Variants in PDGFC observed in about 807,000 individuals in gnomAD.
The protein encoded by PDGFC is platelet-derived growth factor C.
A neutral mutation model predicts 35.5 loss-of-function variants in PDGFC; 12 were observed. The observed-to-expected ratio is 0.34, with a 90% CI of 0.22 to 0.55. The LOEUF is 0.55. Ranked by LOEUF, PDGFC falls within the 20% of genes least tolerant of loss-of-function variation. PDGFC has a pLI of 0.91. For missense variants in PDGFC, 322 were observed against 412.4 expected, an observed-to-expected ratio of 0.78 and a Z score of 1.90; for synonymous variants, 159 against 148.8, an observed-to-expected ratio of 1.07 and a Z score of -0.50.
chr4:156,845,110 T>G (rs2111066873), intron 2 of PDGFC, among the ~76,000 whole-genome samples: 1 of 151,982 alleles, frequency 6.6e-6, no homozygotes, highest in African/African-American at 2.4e-5. Context: ...AACTCATATA[T>G]ATATGAAAAT....
intron 1 of PDGFC, among the ~76,000 whole-genome samples, chr4:156,932,917 T>C (rs1560879504): frequency 6.6e-6 from 1 of 151,616 alleles, no homozygotes; most frequent in Non-Finnish European, 1.5e-5. Flanking sequence ...AAGAAGTTTC[T>C]AACACACACA....
At chr4:156,919,332 C>CGA (rs1288428378) in intron 1 of PDGFC, among the ~76,000 whole-genome samples, 4 of 152,142 alleles carry the variant, frequency 2.6e-5, no homozygotes, top group African/African-American at 7.2e-5. Context: ...AATTCATAAT[C>CGA]TTAATCTGAG....
chr4:156,902,169 G>A (rs1730804666), intron 1 of PDGFC, among the ~76,000 whole-genome samples: 1 of 152,168 alleles, frequency 6.6e-6, no homozygotes, highest in African/African-American at 2.4e-5. Flanking sequence ...ACTACTTATT[G>A]AGCTTATTTT....
intron 1 of PDGFC, among the ~76,000 whole-genome samples, chr4:156,916,812 C>G (rs1443999734): frequency 6.6e-6 from 1 of 152,174 alleles, no homozygotes; most frequent in Non-Finnish European, 1.5e-5. Context: ...GGTTTTCTAA[C>G]TGCTACTGGC....
chr4:156,935,261 G>T (rs1731650702), intron 1 of PDGFC, among the ~76,000 whole-genome samples: 1 of 152,132 alleles, frequency 6.6e-6, no homozygotes, highest in Non-Finnish European at 1.5e-5. Flanking sequence ...CTCCCTAAGT[G>T]CTGCCATTAC....
chr4:156,921,278 G>C (rs1414645879), intron 1 of PDGFC, among the ~76,000 whole-genome samples: 2 of 152,102 alleles, frequency 1.3e-5, no homozygotes, highest in East Asian at 3.9e-4. Flanking sequence ...GGGAGATAAG[G>C]GGTGGTGATC....
chr4:156,776,579 T>A (rs6837319), intron 3 of PDGFC, among the ~76,000 whole-genome samples: 2 of 152,098 alleles, frequency 1.3e-5, no homozygotes, highest in African/African-American at 4.8e-5. Flanking sequence ...GGCCTATTAC[T>A]TTGTAAGGAC....
At chr4:156,960,481 A>C (rs1732317540) in intron 1 of PDGFC, among the ~76,000 whole-genome samples, 1 of 151,084 alleles carries the variant, frequency 6.6e-6, no homozygotes, top group African/African-American at 2.4e-5. Context: ...GTGTATATCT[A>C]TATATGTGTG....
intron 3 of PDGFC, among the ~76,000 whole-genome samples, chr4:156,803,196 A>G (rs1455468536): frequency 6.6e-6 from 1 of 152,128 alleles, no homozygotes; most frequent in Non-Finnish European, 1.5e-5. Context: ...AATGTGTCTG[A>G]GTGTACTGAG....
intron 3 of PDGFC, among the ~76,000 whole-genome samples, chr4:156,803,570 G>A (rs145127208): frequency 2.0e-4 from 30 of 152,180 alleles, no homozygotes; most frequent in African/African-American, 4.1e-4. Flanking sequence ...AAATAGAGTC[G>A]TAGAGGTAAA....
chr4:156,858,963 C>T, intron 1 of PDGFC, among the ~76,000 whole-genome samples: 1 of 151,978 alleles, frequency 6.6e-6, no homozygotes, highest in East Asian at 1.9e-4. Context: ...ACTTTGTGAG[C>T]ATACAACATC....
At chr4:156,843,423 T>C (rs1031038785) in intron 2 of PDGFC, among the ~76,000 whole-genome samples, 8 of 152,196 alleles carry the variant, frequency 5.3e-5, no homozygotes, top group Non-Finnish European at 1.2e-4. Context: ...ATGCATGTGC[T>C]CCAGCACAGA....
At chr4:156,766,455 A>G (rs1478847721) in intron 5 of PDGFC, among the ~76,000 whole-genome samples, 4 of 152,082 alleles carry the variant, frequency 2.6e-5, no homozygotes, top group Non-Finnish European at 4.4e-5. Flanking sequence ...GTTTTCTTCA[A>G]TTATTATATC....
chr4:156,945,587 A>G (rs2110921692), intron 1 of PDGFC, among the ~76,000 whole-genome samples: 1 of 151,906 alleles, frequency 6.6e-6, no homozygotes, highest in East Asian at 2.0e-4. Context: ...CTCTCTCTCA[A>G]AGAGGCTACT....
chr4:156,793,423 T>C (rs1731348638), intron 3 of PDGFC, among the ~76,000 whole-genome samples: 1 of 151,236 alleles, frequency 6.6e-6, no homozygotes, highest in Admixed American at 6.6e-5. Context: ...GTGACATGTT[T>C]AGTGGAGTTG....
chr4:156,793,974 A>G (rs1340721518), intron 3 of PDGFC, among the ~76,000 whole-genome samples: 1 of 152,156 alleles, frequency 6.6e-6, no homozygotes, highest in African/African-American at 2.4e-5. Flanking sequence ...GTAACTGAGG[A>G]GCTACTAATA....
intron 1 of PDGFC, among the ~76,000 whole-genome samples, chr4:156,884,439 C>T (rs1184074279): frequency 6.6e-6 from 1 of 152,134 alleles, no homozygotes; most frequent in Non-Finnish European, 1.5e-5. Context: ...TGGAAGACAG[C>T]TACATTTTAC....
rs1730247287 is a variant in PDGFC, at chr4:156,881,733, G to C, written c.119-31317C>G. 2.6e-5 allele frequency among the ~76,000 whole-genome samples: 4 copies of C among 151,548 alleles called. No homozygotes were observed. The South Asian group carries it at 6.3e-4, about 24-fold the overall frequency. ...TAATCTCAGCTACCTGGGAGGCTGA[G>C]GAAGGAGAATCGCTTGAACCCAGGA... On this transcript the variant is annotated intron_variant, in intron 1 of 5. Coordinates refer to ENST00000502773, the MANE Select transcript of PDGFC (RefSeq NM_016205.3).
At chr4:156,776,951 G>A (rs771513382) in intron 3 of PDGFC, among the ~76,000 whole-genome samples, 4 of 152,076 alleles carry the variant, frequency 2.6e-5, no homozygotes, top group Non-Finnish European at 4.4e-5. Flanking sequence ...TCAGATACAA[G>A]AGGGTCCAAT....
Sources: allele counts gnomAD v4.1 joint callset (sites outside exome capture counted in the v4.1 genomes callset), GRCh38; gene constraint gnomAD v4.1.1; transcripts MANE v1.5; gene names NCBI Gene and HGNC (gene_info 2026-07-23, HGNC 2026-07-21).